GALNT7: variants seen among roughly 807,000 people sequenced by gnomAD.
GALNT7 encodes the protein polypeptide N-acetylgalactosaminyltransferase 7.
A neutral mutation model predicts 82.1 loss-of-function variants in GALNT7; 60 were observed. The observed-to-expected ratio is 0.73, with a 90% CI of 0.59 to 0.91. The LOEUF (loss-of-function observed/expected upper bound fraction) is 0.91, where lower values mean the gene tolerates loss of function less well. Among genes scored for constraint, GALNT7 ranks in the 40% least tolerant of loss-of-function variants. GALNT7 has a pLI of 0.00. For missense variants in GALNT7, 660 were observed against 804.2 expected (o/e 0.82, Z 2.17); for synonymous variants, 243 against 275.1 (o/e 0.88, Z 1.15).
rs112513928 is a variant in GALNT7, at chr4:173,261,745, G to A, written c.587+13305G>A. 2.8e-3 allele frequency among the ~76,000 whole-genome samples: 424 copies of A among 152,260 alleles called. 1 individual carries two copies. The highest frequency in any genetic ancestry group is 0.024 in the Middle Eastern group (7 of 294). ...GAGGCAGCAGAATTGCTTGAACCCG[G>A]AAGGTGGAGGCTGCAGTGAACTGAG... On this transcript the variant is annotated intron_variant, in intron 2 of 11. Transcript: ENST00000265000.
At chr4:173,232,957 T>G (rs1734080883) in intron 1 of GALNT7, among the ~76,000 whole-genome samples, 1 of 152,212 alleles carries the variant, frequency 6.6e-6, no homozygotes, top group Admixed American at 6.5e-5. Context: ...GATCCACTTT[T>G]TTAGCTCTCG....
intron 1 of GALNT7, among the ~76,000 whole-genome samples, chr4:173,202,775 C>G (rs1279198787): frequency 2.6e-5 from 4 of 152,178 alleles, no homozygotes; most frequent in Admixed American, 2.6e-4. Flanking sequence ...TACATACTAT[C>G]ATTGTCCCAA....
intron 1 of GALNT7, among the ~76,000 whole-genome samples, chr4:173,246,816 GTGGTGCTAA>G (rs1227304178): frequency 6.6e-6 from 1 of 152,112 alleles, no homozygotes; most frequent in East Asian, 1.9e-4. Flanking sequence ...TTTTGGTCGG[GTGGTGCTAA>G]TTCTATGACT....
chr4:173,203,519 G>T (rs542645410), intron 1 of GALNT7, among the ~76,000 whole-genome samples: 2 of 152,266 alleles, frequency 1.3e-5, no homozygotes, highest in African/African-American at 4.8e-5. Flanking sequence ...CTTCCTGGTT[G>T]CTTTATAAAT....
At chr4:173,220,645 T>TC in intron 1 of GALNT7, among the ~76,000 whole-genome samples, 1 of 87,356 alleles carries the variant, frequency 1.1e-5, no homozygotes, top group South Asian at 4.9e-4. Flanking sequence ...GTGCTATCCC[T>TC]CCCCCCTCCC....
rs574537090 is a variant in GALNT7, at chr4:173,182,950, T to C, written c.126+13989T>C. Among the ~76,000 whole-genome samples, 76 of 99,326 alleles carry C rather than the reference T, an allele frequency of 7.7e-4. No individual in the cohort carries two copies. The East Asian group carries it at 0.012, about 16-fold the overall frequency. 65.2% of individuals were successfully genotyped at this position (99,326 alleles called of 152,430 possible). Reference sequence around the variant, plus strand: ...TACACACACACACACACACACACTCTGCTTTTTCTCTATGTACCTGATACT... The same window carrying C: ...TACACACACACACACACACACACTCCGCTTTTTCTCTATGTACCTGATACT... On this transcript the variant is annotated intron_variant, in intron 1 of 11. Transcript: ENST00000265000.
intron 2 of GALNT7, among the ~76,000 whole-genome samples, chr4:173,286,359 A>G (rs1426903646): frequency 6.6e-6 from 1 of 152,220 alleles, no homozygotes. Context: ...ATTGTCTGTT[A>G]GCCAGGGACT....
At chr4:173,238,010 G>A (rs1353828606) in intron 1 of GALNT7, among the ~76,000 whole-genome samples, 1 of 152,082 alleles carries the variant, frequency 6.6e-6, no homozygotes, top group Non-Finnish European at 1.5e-5. Flanking sequence ...CTGATGAAAT[G>A]CTGTGGTTAT....
intron 1 of GALNT7, among the ~76,000 whole-genome samples, chr4:173,170,117 C>G (rs527529975): frequency 7.2e-5 from 11 of 152,272 alleles, no homozygotes; most frequent in Admixed American, 3.3e-4. Flanking sequence ...GCCTCGCCCC[C>G]GACCCTGACC....
intron 2 of GALNT7, among the ~76,000 whole-genome samples, chr4:173,272,188 A>G (rs998321780): frequency 1.3e-5 from 2 of 152,152 alleles, no homozygotes; most frequent in African/African-American, 4.8e-5. Flanking sequence ...CATACAGAAT[A>G]TATTTGTTTT....
intron 1 of GALNT7, chr4:173,169,195 G>T: frequency 5.9e-6 from 1 of 168,982 alleles, no homozygotes; most frequent in South Asian, 1.9e-4. Flanking sequence ...CCCCGCCCCG[G>T]GCTCCGTCGC....
chr4:173,292,653 G>C lies in GALNT7; in HGVS notation c.754+379G>C, dbSNP rs761641155. Among the ~76,000 whole-genome samples the C allele has an allele frequency of 6.6e-6, 1 of 152,160 alleles. No homozygotes were observed. The highest frequency in any genetic ancestry group is 2.4e-5 in the African/African-American group (1 of 41,444). On this transcript the variant is annotated intron_variant, in intron 3 of 11. Coordinates refer to ENST00000265000, the MANE Select transcript of GALNT7 (RefSeq NM_017423.3). The surrounding 1 kb of genome is among the most constrained non-coding windows in gnomAD (Gnocchi z 4.8). ...AAAGCTTCCTCCAAAATTTAATTGA[G>C]AATTCTTGCAGTCTGGATAAACCTT...
At chr4:173,241,016 T>C (rs1734411204) in intron 1 of GALNT7, among the ~76,000 whole-genome samples, 1 of 152,076 alleles carries the variant, frequency 6.6e-6, no homozygotes. Context: ...AACATGTAGA[T>C]GGTTTTGGAT....
At chr4:173,203,943 G>A (rs2126658123) in intron 1 of GALNT7, among the ~76,000 whole-genome samples, 1 of 152,114 alleles carries the variant, frequency 6.6e-6, no homozygotes, top group East Asian at 1.9e-4. Context: ...GCTTTCATAT[G>A]TTTTCATATT....
Position 173,178,051 on chromosome 4 carries a change from GTGCGCGCA to G in GALNT7, c.126+9091_126+9098del, listed in dbSNP as rs1487814317. Among the ~76,000 whole-genome samples, 903 of 104,984 alleles carry G rather than the reference GTGCGCGCA, an allele frequency of 8.6e-3. 7 individuals carry two copies. Among genetic ancestry groups the G allele is most frequent in the African/African-American group, 0.032 (816 of 25,384 alleles). 68.9% of individuals were successfully genotyped at this position (104,984 alleles called of 152,430 possible). A position where few individuals can be genotyped will look rare whatever the true frequency, so the allele number is the denominator to read the frequency against. On this transcript the variant is annotated intron_variant, in intron 1 of 11. Transcript: ENST00000265000. Reference sequence around the variant, plus strand: ...TGTGTGTGTGTGTGTGTGTGTGTGTGTGCGCGCACGCGCGTGCGCACAGACACCTATGT... The same window carrying G: ...TGTGTGTGTGTGTGTGTGTGTGTGTGCGCGCGTGCGCACAGACACCTATGT...
At chr4:173,285,233 A>G (rs1736280425) in intron 2 of GALNT7, among the ~76,000 whole-genome samples, 1 of 152,228 alleles carries the variant, frequency 6.6e-6, no homozygotes, top group African/African-American at 2.4e-5. Flanking sequence ...TTGCATGCAA[A>G]TCCATGTTCA....
rs1731730483 is a variant in GALNT7, at chr4:173,168,876, T to C, written c.41T>C (p.Val14Ala). 1.2e-6 allele frequency: 2 copies of C among 1,612,660 alleles called. No homozygotes were observed. Among genetic ancestry groups the C allele is most frequent in the African/African-American group, 2.7e-5 (2 of 74,742 alleles). ...GGGTTCATCTTACGCAGTTTGCTGG[T>C]GGTGGGAAGCTTCCTGGGGCTAGTG... ...KIGFILRSLLVVGSFLGLVVL... is the reference protein window; with the variant it reads ...KIGFILRSLLAVGSFLGLVVL... The change falls in exon 1 of 12, where the codon GTG (valine) becomes GCG (alanine). Residue 14 changes from valine (V) to alanine (A), a missense_variant. Val to Ala is a moderately conservative substitution (Grantham distance 64). Coordinates refer to ENST00000265000, the MANE Select transcript of GALNT7 (RefSeq NM_017423.3).
intron 9 of GALNT7, chr4:173,315,821 G>T (rs1737578729): frequency 6.6e-6 from 1 of 152,218 alleles, no homozygotes; most frequent in East Asian, 1.9e-4. Context: ...TTTCAAACTC[G>T]ACATAGCCTA....
intron 2 of GALNT7, among the ~76,000 whole-genome samples, chr4:173,272,970 T>G (rs1735782682): frequency 6.6e-6 from 1 of 152,234 alleles, no homozygotes; most frequent in African/African-American, 2.4e-5. Flanking sequence ...TGTTTAAGAC[T>G]TCTGTAAGTA....
Sources: gnomAD v4.1 joint callset for allele counts (sites outside exome capture counted in the v4.1 genomes callset) on GRCh38, gnomAD v4.1.1 for gene constraint, Gnocchi (gnomAD v3.1) non-coding constraint, MANE v1.5 for transcripts, NCBI Gene and HGNC (gene_info 2026-07-23, HGNC 2026-07-21) for gene names.